IGFBP7: variants seen among roughly 807,000 people sequenced by gnomAD.
IGFBP7 encodes the protein insulin-like growth factor-binding protein 7.
Under a neutral mutation model 29.4 loss-of-function variants are expected in IGFBP7, and 31 were observed. The ratio of observed to expected loss-of-function variants is 1.05; its 90% confidence interval spans 0.79 to 1.42. The LOEUF (loss-of-function observed/expected upper bound fraction) is 1.42, where lower values mean the gene tolerates loss of function less well. IGFBP7 is among the 40% of genes most tolerant of loss of function. The probability of loss-of-function intolerance (pLI) is 0.00; values close to 1 mark genes in which losing one functional copy is unlikely to be tolerated. For missense variants in IGFBP7, 393 were observed against 395.5 expected (o/e 0.99, Z 0.05); for synonymous variants, 172 against 174.9 (o/e 0.98, Z 0.13).
chr4:57,037,006 T>C (rs1724098037), intron 2 of IGFBP7, among the ~76,000 whole-genome samples: 1 of 152,232 alleles, frequency 6.6e-6, no homozygotes, highest in Admixed American at 6.5e-5. Flanking sequence ...CAAGTTTCCT[T>C]AGTTTTGACA....
At chr4:57,036,001 T>G (rs1355779642) in intron 2 of IGFBP7, among the ~76,000 whole-genome samples, 1 of 152,226 alleles carries the variant, frequency 6.6e-6, no homozygotes. Context: ...GTATGATATG[T>G]GTACTTTGAT....
chr4:57,077,716 G>A (rs77548838), intron 1 of IGFBP7, among the ~76,000 whole-genome samples: 1,559 of 152,342 alleles, frequency 0.01, 10 homozygotes, highest in Non-Finnish European at 0.017. Context: ...AATGTAACAG[G>A]AAATGAAATG....
intron 1 of IGFBP7, among the ~76,000 whole-genome samples, chr4:57,095,811 CAAT>C (rs1725747081): frequency 6.6e-6 from 1 of 152,240 alleles, no homozygotes; most frequent in Admixed American, 6.5e-5. Context: ...GCTGGGGGAC[CAAT>C]AAGCTGAGCA....
intron 1 of IGFBP7, among the ~76,000 whole-genome samples, chr4:57,099,333 A>C (rs1190506730): frequency 1.3e-5 from 2 of 152,206 alleles, no homozygotes; most frequent in African/African-American, 4.8e-5. Flanking sequence ...AAACCCCTGC[A>C]TGAATTTTCC....
intron 1 of IGFBP7, among the ~76,000 whole-genome samples, chr4:57,071,029 C>A (rs536359862): frequency 6.6e-6 from 1 of 152,280 alleles, no homozygotes; most frequent in East Asian, 1.9e-4. Context: ...CTGAACACAC[C>A]TGGCCCTGCA....
Position 57,040,842 on chromosome 4 carries a change from A to T in IGFBP7, c.567T>A (p.Pro189=), listed in dbSNP as rs1412370055. The change falls in exon 2 of 5, where the codon CCT becomes CCA. Residue 189 remains proline (P), a synonymous_variant. Transcript: ENST00000295666. ...LSCEVIGIPT[P]VLIWNKVKRG... is the part of the protein sequence containing the mutation. Reference sequence around the variant, plus strand: ...CACAGACCTTGTTCCAGATGAGGACAGGTGTCGGGATTCCGATGACCTCAC... The same window carrying T: ...CACAGACCTTGTTCCAGATGAGGACTGGTGTCGGGATTCCGATGACCTCAC... The T allele has an allele frequency of 2.5e-6, 4 of 1,612,498 alleles. No homozygotes were observed. Among genetic ancestry groups the T allele is most frequent in the Non-Finnish European group, 3.4e-6 (4 of 1,178,514 alleles).
chr4:57,039,029 C>G (rs1724154169), intron 2 of IGFBP7, among the ~76,000 whole-genome samples: 1 of 140,092 alleles, frequency 7.1e-6, no homozygotes, highest in Non-Finnish European at 1.5e-5. Context: ...GGTGCCATTG[C>G]ACTCCAGCCT....
At chr4:57,058,130 A>G (rs1227075273) in intron 1 of IGFBP7, among the ~76,000 whole-genome samples, 2 of 132,124 alleles carry the variant, frequency 1.5e-5, no homozygotes, top group East Asian at 5.5e-4. Context: ...ATTTTAACTT[A>G]CAAAAAAATA....
chr4:57,067,647 C>G (rs2109771943), intron 1 of IGFBP7, among the ~76,000 whole-genome samples: 1 of 152,198 alleles, frequency 6.6e-6, no homozygotes, highest in Non-Finnish European at 1.5e-5. Context: ...ACACTTAAAA[C>G]TTTGTGAAGA....
intron 1 of IGFBP7, among the ~76,000 whole-genome samples, chr4:57,084,933 G>GGTGTGTGACA (rs1407390748): frequency 1.3e-5 from 2 of 151,512 alleles, no homozygotes; most frequent in Admixed American, 1.3e-4. Flanking sequence ...TGGAACTACA[G>GGTGTGTGACA]GTGTGTGACA....
chr4:57,090,253 C>G (rs73242642), intron 1 of IGFBP7, among the ~76,000 whole-genome samples: 5,852 of 152,324 alleles, frequency 0.038, 161 homozygotes, highest in East Asian at 0.11. Flanking sequence ...TGTTCCTTCA[C>G]TCTTTGTTTG....
chr4:57,092,063 G>A (rs1439470473), intron 1 of IGFBP7, among the ~76,000 whole-genome samples: 2 of 152,110 alleles, frequency 1.3e-5, no homozygotes, highest in Non-Finnish European at 2.9e-5. Flanking sequence ...AAATAGAATA[G>A]TAGAGACCTT....
intron 1 of IGFBP7, among the ~76,000 whole-genome samples, chr4:57,055,009 G>A (rs1195156090): frequency 6.6e-6 from 1 of 152,156 alleles, no homozygotes; most frequent in African/African-American, 2.4e-5. Flanking sequence ...CGAGGCTGAC[G>A]GCACTGGAAA....
rs914490362 is a variant in IGFBP7, at chr4:57,046,011, C to A, written c.476-5078G>T. 3.9e-5 allele frequency among the ~76,000 whole-genome samples: 6 copies of A among 152,114 alleles called. No homozygotes were observed. The South Asian group carries it at 1.2e-3, about 32-fold the overall frequency. On this transcript the variant is annotated intron_variant, in intron 1 of 4. Coordinates refer to ENST00000295666, the MANE Select transcript of IGFBP7 (RefSeq NM_001553.3). ...AAAGTGCTGGGATTACAGGTGTGAG[C>A]CACTGCACGCGACCAAAATCTCTTG...
At chr4:57,060,248 G>A (rs1031042031) in intron 1 of IGFBP7, among the ~76,000 whole-genome samples, 1 of 152,184 alleles carries the variant, frequency 6.6e-6, no homozygotes, top group Admixed American at 6.5e-5. Context: ...CCAATAACAA[G>A]ATGCAGACAG....
chr4:57,034,998 G>T (rs377096004), intron 2 of IGFBP7, among the ~76,000 whole-genome samples: 2 of 152,314 alleles, frequency 1.3e-5, no homozygotes, highest in South Asian at 4.1e-4. Flanking sequence ...TGGGTTGTAA[G>T]AATATTTTGG....
At chr4:57,080,952 C>T (rs1172970129) in intron 1 of IGFBP7, among the ~76,000 whole-genome samples, 1 of 152,208 alleles carries the variant, frequency 6.6e-6, no homozygotes, top group Non-Finnish European at 1.5e-5. Context: ...TCAATCTCTC[C>T]TCCTTGGCCC....
At chr4:57,094,364 T>C (rs1040951969) in intron 1 of IGFBP7, among the ~76,000 whole-genome samples, 1 of 151,968 alleles carries the variant, frequency 6.6e-6, no homozygotes, top group Non-Finnish European at 1.5e-5. Flanking sequence ...GGCGTGGTTG[T>C]GGGGAGGGTG....
intron 1 of IGFBP7, among the ~76,000 whole-genome samples, chr4:57,046,330 T>C (rs1009523839): frequency 7.1e-6 from 1 of 140,500 alleles, no homozygotes; most frequent in Non-Finnish European, 1.6e-5. Context: ...CTGACAGTTC[T>C]GTTCTACCTC....
Sources: gnomAD v4.1 joint callset for allele counts (sites outside exome capture counted in the v4.1 genomes callset) on GRCh38, gnomAD v4.1.1 for gene constraint, MANE v1.5 for transcripts, NCBI Gene and HGNC (gene_info 2026-07-23, HGNC 2026-07-21) for gene names.